Variants in EIF4E3 observed in about 807,000 individuals in gnomAD.
The protein encoded by EIF4E3 is eukaryotic translation initiation factor 4E type 3.
EIF4E3 carries 26 observed loss-of-function variants against 31.7 expected under a neutral mutation model. That is an observed-to-expected ratio of 0.82 (90% CI 0.60 to 1.14). The LOEUF (loss-of-function observed/expected upper bound fraction) is 1.14. Ranked by LOEUF, EIF4E3 falls within the 50% of genes most tolerant of loss-of-function variation. The probability of loss-of-function intolerance (pLI) is 0.00; values close to 1 mark genes in which losing one functional copy is unlikely to be tolerated. For synonymous variants in EIF4E3, 128 were observed against 107.7 expected, an observed-to-expected ratio of 1.19 and a Z score of -1.17; for missense variants, 304 against 270.9, an observed-to-expected ratio of 1.12 and a Z score of -0.86.
rs1559589858 is a variant in EIF4E3 at position 71,690,012 on chromosome 3, T to G, written c.626A>C (p.Lys209Thr). 1 of 1,607,702 alleles carries G rather than the reference T, an allele frequency of 6.2e-7. No homozygotes were observed. Among genetic ancestry groups the G allele is most frequent in the Non-Finnish European group, 8.5e-7 (1 of 1,177,136 alleles). The stretch of plus-strand genomic sequence containing the variant: ...ATAACTGGAAATGAAGCACTTACGT[T>G]TATAAAATACTGCTTTAAAAGTTAT... Reference protein sequence around the residue: ...PHITFKAVFYKPHEEHHAFEG... With the variant: ...PHITFKAVFYTPHEEHHAFEG... Residue 209 changes from lysine to threonine, a missense_variant and splice_region_variant, in exon 6 of 7, where the codon AAA (lysine) becomes ACA (threonine). Lys to Thr is a moderately conservative substitution (Grantham distance 78, BLOSUM62 -1). Transcript: ENST00000425534.
At chr3:71,717,610 C>T (rs764545725) in intron 1 of EIF4E3, among the ~76,000 whole-genome samples, 1 of 152,184 alleles carries the variant, frequency 6.6e-6, no homozygotes, top group Non-Finnish European at 1.5e-5. Flanking sequence ...TCCTGTCCAG[C>T]TCCGATACTT....
At chr3:71,724,649 A>G (rs771979904) in intron 1 of EIF4E3, among the ~76,000 whole-genome samples, 25 of 152,150 alleles carry the variant, frequency 1.6e-4, no homozygotes, top group Non-Finnish European at 2.8e-4. Flanking sequence ...TGCCCAGTGG[A>G]TGAGGAAGAA....
At chr3:71,724,735 C>T (rs1047158924) in intron 1 of EIF4E3, among the ~76,000 whole-genome samples, 1 of 152,158 alleles carries the variant, frequency 6.6e-6, no homozygotes, top group Non-Finnish European at 1.5e-5. Flanking sequence ...ATTGCACCAC[C>T]GCACACCTCC....
chr3:71,710,210 G>C (rs1369276269), intron 2 of EIF4E3, among the ~76,000 whole-genome samples: 1 of 152,208 alleles, frequency 6.6e-6, no homozygotes, highest in African/African-American at 2.4e-5. Flanking sequence ...GTGGCCAAGA[G>C]AAGAGCAGGC....
the EIF4E3 span, among the ~76,000 whole-genome samples, chr3:71,668,454 C>T: frequency 1.3e-5 from 2 of 152,020 alleles, no homozygotes; most frequent in African/African-American, 2.4e-5. Context: ...TCAGAGTGAA[C>T]AGGCAACCTA....
intron 1 of EIF4E3, among the ~76,000 whole-genome samples, chr3:71,719,111 A>G (rs1475728444): frequency 6.6e-6 from 1 of 152,190 alleles, no homozygotes; most frequent in Non-Finnish European, 1.5e-5. Flanking sequence ...GAAGTACTGC[A>G]CCCTTTAGGG....
At chr3:71,751,194 C>T (rs2049925715) in intron 1 of EIF4E3, among the ~76,000 whole-genome samples, 1 of 152,126 alleles carries the variant, frequency 6.6e-6, no homozygotes, top group Non-Finnish European at 1.5e-5. Flanking sequence ...GATGATGCCA[C>T]TGACTCCAGC....
chr3:71,694,797 T>C (rs1316477763), intron 4 of EIF4E3, among the ~76,000 whole-genome samples: 4 of 152,120 alleles, frequency 2.6e-5, no homozygotes, highest in Non-Finnish European at 5.9e-5. Context: ...AAGGAAATAA[T>C]AATAGGTCCG....
chr3:71,695,320 C>G (rs565980064), intron 4 of EIF4E3, among the ~76,000 whole-genome samples: 1 of 152,130 alleles, frequency 6.6e-6, no homozygotes, highest in Non-Finnish European at 1.5e-5. Context: ...GGCATTTGCA[C>G]GGATATGAAA....
chr3:71,708,144 G>A (rs529956247), intron 2 of EIF4E3, among the ~76,000 whole-genome samples: 1 of 152,256 alleles, frequency 6.6e-6, no homozygotes, highest in South Asian at 2.1e-4. Flanking sequence ...AAAGTGCGGG[G>A]ATTACAGGCA....
At chr3:71,733,058 G>A (rs1462772651) in intron 1 of EIF4E3, among the ~76,000 whole-genome samples, 2 of 152,170 alleles carry the variant, frequency 1.3e-5, no homozygotes, top group Non-Finnish European at 2.9e-5. Context: ...TTTTGAATAC[G>A]AGTGTCCTCC....
intron 1 of EIF4E3, among the ~76,000 whole-genome samples, chr3:71,719,803 C>T (rs1356695750): frequency 6.6e-6 from 1 of 151,960 alleles, no homozygotes; most frequent in African/African-American, 2.4e-5. Flanking sequence ...TGCTCGAGCC[C>T]AGGAGTTTGA....
At chr3:71,668,903 C>A in the EIF4E3 span, among the ~76,000 whole-genome samples, 2 of 152,012 alleles carry the variant, frequency 1.3e-5, no homozygotes, top group Non-Finnish European at 2.9e-5. Context: ...AGGTATATAC[C>A]CAAAGGATTA....
At chr3:71,662,716 G>A in the EIF4E3 span, among the ~76,000 whole-genome samples, 4 of 151,912 alleles carry the variant, frequency 2.6e-5, no homozygotes, top group South Asian at 2.1e-4. Flanking sequence ...TATATCCACC[G>A]ACCCAAAGTA....
chr3:71,672,181 T>TA (rs2048850237), downstream of EIF4E3, among the ~76,000 whole-genome samples: 1 of 152,094 alleles, frequency 6.6e-6, no homozygotes, highest in Non-Finnish European at 1.5e-5. Context: ...GAAGTAAGTT[T>TA]ACTTAACCAA....
intron 1 of EIF4E3, among the ~76,000 whole-genome samples, chr3:71,724,807 C>A (rs1265546663): frequency 6.6e-6 from 1 of 152,210 alleles, no homozygotes; most frequent in Non-Finnish European, 1.5e-5. Flanking sequence ...AGCTCCCAGG[C>A]GCCCCGCGGG....
upstream of EIF4E3, among the ~76,000 whole-genome samples, chr3:71,728,891 G>C (rs1206923245): frequency 6.6e-6 from 1 of 152,190 alleles, no homozygotes; most frequent in Non-Finnish European, 1.5e-5. Context: ...AGAGAAGCTG[G>C]GTAACCTGCC....
chr3:71,707,131 C>G (rs185815835), intron 2 of EIF4E3, among the ~76,000 whole-genome samples: 1 of 152,294 alleles, frequency 6.6e-6, no homozygotes, highest in Non-Finnish European at 1.5e-5. Flanking sequence ...GAAAAGATAT[C>G]TCAGTAGAAG....
the EIF4E3 span, among the ~76,000 whole-genome samples, chr3:71,663,499 T>C: frequency 6.6e-6 from 1 of 152,166 alleles, no homozygotes; most frequent in Non-Finnish European, 1.5e-5. Flanking sequence ...GGCAAAATGA[T>C]TGCTCCCAGG....
Sources: allele counts gnomAD v4.1 joint callset (sites outside exome capture counted in the v4.1 genomes callset), GRCh38; gene constraint gnomAD v4.1.1; transcripts MANE v1.5; gene names NCBI Gene and HGNC (gene_info 2026-07-23, HGNC 2026-07-21).